KCTD16: variants seen among roughly 807,000 people sequenced by gnomAD.
KCTD16 encodes potassium channel tetramerization domain containing 16.
KCTD16 carries 13 observed loss-of-function variants against 33.2 expected under a neutral mutation model. The observed-to-expected ratio is 0.39, with a 90% CI of 0.25 to 0.62. The LOEUF is 0.62. Ranked by LOEUF, KCTD16 falls within the 20% of genes least tolerant of loss-of-function variation. The pLI, the probability that KCTD16 is intolerant of heterozygous loss-of-function variation, is 0.50. For missense variants in KCTD16, 441 were observed against 525.1 expected (o/e 0.84, Z 1.57); for synonymous variants, 197 against 195.3 (o/e 1.01, Z -0.07).
At chr5:144,381,109 GA>G (rs1360776367) in intron 3 of KCTD16, among the ~76,000 whole-genome samples, 3 of 151,392 alleles carry the variant, frequency 2.0e-5, no homozygotes, top group African/African-American at 7.3e-5. Context: ...AATTAACAAG[GA>G]AAAAACAAGC....
At chr5:144,213,773 G>A (rs1021370203) in intron 3 of KCTD16, among the ~76,000 whole-genome samples, 1 of 152,054 alleles carries the variant, frequency 6.6e-6, no homozygotes, top group Non-Finnish European at 1.5e-5. Flanking sequence ...ATAGCTATTG[G>A]GTGTATTCTC....
intron 3 of KCTD16, among the ~76,000 whole-genome samples, chr5:144,295,467 G>A (rs1037113965): frequency 6.6e-6 from 1 of 152,164 alleles, no homozygotes; most frequent in African/African-American, 2.4e-5. Flanking sequence ...ACAAACTCCA[G>A]GGGAGGCAGT....
chr5:144,443,896 A>C (rs936517465), intron 3 of KCTD16, among the ~76,000 whole-genome samples: 3 of 152,098 alleles, frequency 2.0e-5, no homozygotes, highest in Non-Finnish European at 4.4e-5. Flanking sequence ...GCAATAGTCA[A>C]ATCATAGAAA....
At chr5:144,262,715 C>T (rs932762605) in intron 3 of KCTD16, among the ~76,000 whole-genome samples, 1 of 152,210 alleles carries the variant, frequency 6.6e-6, no homozygotes, top group Non-Finnish European at 1.5e-5. Context: ...TTTTATATTA[C>T]TGATCAGTTA....
intron 3 of KCTD16, among the ~76,000 whole-genome samples, chr5:144,362,835 G>C (rs925206234): frequency 6.6e-6 from 1 of 152,122 alleles, no homozygotes; most frequent in African/African-American, 2.4e-5. Flanking sequence ...CATCAGCCCA[G>C]CCTCAGCTTC....
chr5:144,450,191 T>C (rs923219676), intron 3 of KCTD16, among the ~76,000 whole-genome samples: 8 of 151,910 alleles, frequency 5.3e-5, no homozygotes, highest in East Asian at 3.9e-4. Flanking sequence ...ACCGGGTATA[T>C]AAAAAGGCAC....
chr5:144,285,962 CTTTTTTTT>C (rs34103216), intron 3 of KCTD16, among the ~76,000 whole-genome samples: 1 of 117,502 alleles, frequency 8.5e-6, no homozygotes, highest in Non-Finnish European at 1.8e-5. Context: ...CCATCCTAAT[CTTTTTTTT>C]TTTTTTTTTT....
intron 3 of KCTD16, chr5:144,385,241 T>C (rs918246934): frequency 2.6e-5 from 4 of 152,330 alleles, no homozygotes; most frequent in African/African-American, 9.6e-5. Flanking sequence ...GAAAAATATA[T>C]TTTTGTTTAC....
chr5:144,302,049 AT>A (rs1362952386), intron 3 of KCTD16, among the ~76,000 whole-genome samples: 1 of 152,184 alleles, frequency 6.6e-6, no homozygotes, highest in Non-Finnish European at 1.5e-5. Context: ...TTTTATTACT[AT>A]CCCCTTTTAA....
intron 3 of KCTD16, among the ~76,000 whole-genome samples, chr5:144,431,140 T>C (rs1350466285): frequency 6.6e-6 from 1 of 152,054 alleles, no homozygotes; most frequent in Admixed American, 6.6e-5. Context: ...AATTGAGAAA[T>C]TAGAAAAAAA....
intron 2 of KCTD16, among the ~76,000 whole-genome samples, chr5:144,203,918 G>A (rs992180862): frequency 2.6e-5 from 4 of 152,176 alleles, no homozygotes; most frequent in Non-Finnish European, 5.9e-5. Flanking sequence ...TGCACTGATA[G>A]CTTAGGGCAC....
At chr5:144,432,743 TC>T (rs1242407896) in intron 3 of KCTD16, among the ~76,000 whole-genome samples, 1 of 152,178 alleles carries the variant, frequency 6.6e-6, no homozygotes, top group Non-Finnish European at 1.5e-5. Context: ...TTTTATTATT[TC>T]TTCTGTGAAT....
intron 3 of KCTD16, among the ~76,000 whole-genome samples, chr5:144,405,941 A>G (rs1752801426): frequency 6.6e-6 from 1 of 152,196 alleles, no homozygotes; most frequent in Non-Finnish European, 1.5e-5. Flanking sequence ...TTGAGTTTCC[A>G]ATGGAGTGGA....
At chr5:144,202,515 T>C (rs1271257994) in intron 2 of KCTD16, among the ~76,000 whole-genome samples, 6 of 152,200 alleles carry the variant, frequency 3.9e-5, no homozygotes, top group African/African-American at 1.4e-4. Context: ...TAACCTGAGG[T>C]CTATGAACCC....
chr5:144,441,228 T>C (rs1205182142), intron 3 of KCTD16, among the ~76,000 whole-genome samples: 1 of 152,110 alleles, frequency 6.6e-6, no homozygotes, highest in African/African-American at 2.4e-5. Flanking sequence ...TTTCATTTTC[T>C]CAGTGATATC....
At chr5:144,437,265 G>C (rs1753599867) in intron 3 of KCTD16, among the ~76,000 whole-genome samples, 2 of 152,130 alleles carry the variant, frequency 1.3e-5, no homozygotes, top group Non-Finnish European at 2.9e-5. Flanking sequence ...AAGTACCCAA[G>C]CTGCCAGAGA....
Position 144,207,292 on chromosome 5 carries a change from T to G in KCTD16, c.578T>G (p.Leu193Trp). The change falls in exon 3 of 4, where the codon TTG becomes TGG. Residue 193 changes from leucine to tryptophan, a missense_variant. Physicochemically the swap from Leu to Trp is moderately conservative, Grantham distance 61. Around this residue, in one of 3 missense-constraint regions of KCTD16, gnomAD observed 355 missense variants for 413.0 expected, o/e 0.86. Transcript: ENST00000512467. ...DAKFRRVPRILVCGRISLAKE... is the reference protein window; with the variant it reads ...DAKFRRVPRIWVCGRISLAKE... ...AAGTTTCGGAGAGTTCCCCGGATTT[T>G]GGTTTGTGGAAGGATTTCCTTGGCA... is the stretch of plus-strand genomic sequence containing the variant. 1 of 1,614,234 alleles carries G rather than the reference T, an allele frequency of 6.2e-7. No homozygotes were observed.
At chr5:144,271,761 A>G (rs1755299779) in intron 3 of KCTD16, among the ~76,000 whole-genome samples, 1 of 74,432 alleles carries the variant, frequency 1.3e-5, no homozygotes, top group African/African-American at 5.0e-5. Flanking sequence ...ACTAAAAACT[A>G]CACACACACA....
intron 3 of KCTD16, among the ~76,000 whole-genome samples, chr5:144,213,347 C>G (rs1753456933): frequency 6.6e-6 from 1 of 151,786 alleles, no homozygotes; most frequent in African/African-American, 2.4e-5. Flanking sequence ...TCCCTTTTCT[C>G]TCTCTCTTTT....
Sources: gnomAD v4.1 joint callset for allele counts (sites outside exome capture counted in the v4.1 genomes callset) on GRCh38, gnomAD v4.1.1 for gene constraint, gnomAD v4.1.1 regional missense constraint, MANE v1.5 for transcripts, NCBI Gene and HGNC (gene_info 2026-07-23, HGNC 2026-07-21) for gene names.